The following IFT80 variants were observed in gnomAD, a reference collection of about 807,000 sequenced individuals.
IFT80 encodes intraflagellar transport 80.
IFT80 carries 79 observed loss-of-function variants against 107.9 expected under a neutral mutation model. That is an observed-to-expected ratio of 0.73 (90% confidence interval 0.61 to 0.88). IFT80 has a LOEUF of 0.88. IFT80 is among the 40% of genes least tolerant of loss of function. The pLI is 0.00. For missense variants in IFT80, 797 were observed against 914.2 expected (o/e 0.87, Z 1.65); for synonymous variants, 299 against 300.9 (o/e 0.99, Z 0.07).
At chr3:160,367,582 G>A (rs1721952461) in intron 5 of IFT80, among the ~76,000 whole-genome samples, 1 of 151,924 alleles carries the variant, frequency 6.6e-6, no homozygotes, top group Non-Finnish European at 1.5e-5. Flanking sequence ...TTTGGCTTTA[G>A]CCCAAAAGCT....
intron 8 of IFT80, among the ~76,000 whole-genome samples, chr3:160,333,408 CTTAA>C (rs1352456911): frequency 6.6e-6 from 1 of 152,166 alleles, no homozygotes; most frequent in African/African-American, 2.4e-5. Flanking sequence ...TTATAAACCT[CTTAA>C]TTTTTTAAAC....
intron 9 of IFT80, among the ~76,000 whole-genome samples, chr3:160,310,755 T>C (rs867479388): frequency 2.4e-4 from 36 of 152,328 alleles, no homozygotes; most frequent in Non-Finnish European, 1.5e-4. Flanking sequence ...TGCCTCCTGA[T>C]GTGATGCAAC....
At chr3:160,276,886 T>C (rs1714308960) in intron 18 of IFT80, among the ~76,000 whole-genome samples, 1 of 152,198 alleles carries the variant, frequency 6.6e-6, no homozygotes, top group African/African-American at 2.4e-5. Flanking sequence ...TCAACTACTA[T>C]CCATTTGCTA....
At chr3:160,284,671 C>A (rs944444919) in intron 13 of IFT80, among the ~76,000 whole-genome samples, 6 of 151,990 alleles carry the variant, frequency 3.9e-5, no homozygotes, top group African/African-American at 1.5e-4. Flanking sequence ...ATACTAACGG[C>A]AAAAGATTGG....
intron 6 of IFT80, 30 bp from the exon 7 acceptor site, chr3:160,357,608 A>G (rs1434198446): frequency 9.0e-6 from 13 of 1,436,762 alleles, no homozygotes; most frequent in Non-Finnish European, 1.2e-5. Flanking sequence ...GATATTAATT[A>G]TAAGTTTAAA....
intron 3 of IFT80, among the ~76,000 whole-genome samples, chr3:160,380,342 T>C (rs1712377964): frequency 6.6e-6 from 1 of 152,072 alleles, no homozygotes; most frequent in Non-Finnish European, 1.5e-5. Flanking sequence ...GTGATGGGCA[T>C]ATGACCCAAG....
intron 19 of IFT80, among the ~76,000 whole-genome samples, chr3:160,264,995 C>G (rs1157932327): frequency 6.6e-6 from 1 of 152,124 alleles, no homozygotes; most frequent in Admixed American, 6.6e-5. Flanking sequence ...CTGCTGATTG[C>G]CTCACCATAG....
chr3:160,336,388 T>C (rs192395702), intron 8 of IFT80, among the ~76,000 whole-genome samples: 155 of 152,324 alleles, frequency 1.0e-3, no homozygotes, highest in African/African-American at 3.7e-3. Flanking sequence ...GGTTTAGGAA[T>C]TGCTTTCTAA....
Position 160,307,817 on chromosome 3 carries a change from T to C in IFT80, c.958-36A>G, listed in dbSNP as rs370912410. On this transcript the variant is annotated intron_variant, in intron 9 of 19. Coordinates refer to ENST00000326448, the MANE Select transcript of IFT80 (RefSeq NM_020800.3). ...AAAAATAAAATACCAATAAACATTA[T>C]AACATATCCAAATTTTATTTAGATA... is the stretch of plus-strand genomic sequence containing the variant. 4.7e-6 allele frequency: 5 copies of C among 1,058,806 alleles called. No homozygotes were observed. The African/African-American group carries it at 7.9e-5, about 17-fold the overall frequency. 65.6% of individuals were successfully genotyped at this position (1,058,806 alleles called of 1,614,324 possible).
At chr3:160,322,757 G>A (rs1377281323) in intron 8 of IFT80, among the ~76,000 whole-genome samples, 2 of 152,066 alleles carry the variant, frequency 1.3e-5, no homozygotes, top group Non-Finnish European at 2.9e-5. Flanking sequence ...ATCTCATTGT[G>A]CTTTTGATTT....
At chr3:160,355,967 C>T (rs1248869655) in intron 8 of IFT80, 46 bp downstream of exon 8, 1 of 1,606,042 alleles carries the variant, frequency 6.2e-7, no homozygotes, top group Non-Finnish European at 8.5e-7. Flanking sequence ...TGTGCATTAC[C>T]ACATTTATGA....
At chr3:160,318,801 G>A (rs1718001619) in intron 9 of IFT80, among the ~76,000 whole-genome samples, 1 of 151,984 alleles carries the variant, frequency 6.6e-6, no homozygotes, top group African/African-American at 2.4e-5. Flanking sequence ...AGAGCAGCAG[G>A]AGGTCAGTCT....
chr3:160,267,910 A>G (rs996085922), intron 19 of IFT80, among the ~76,000 whole-genome samples: 1 of 152,204 alleles, frequency 6.6e-6, no homozygotes, highest in Admixed American at 6.5e-5. Flanking sequence ...AGATTCTGGT[A>G]GGAGCCTGGA....
intron 5 of IFT80, among the ~76,000 whole-genome samples, chr3:160,371,930 A>G (rs1293343909): frequency 6.6e-6 from 1 of 152,218 alleles, no homozygotes; most frequent in Non-Finnish European, 1.5e-5. Context: ...TGGCCTAAGT[A>G]TAATTATCTC....
intron 6 of IFT80, among the ~76,000 whole-genome samples, chr3:160,359,188 TAA>T (rs1721314517): frequency 6.6e-6 from 1 of 152,214 alleles, no homozygotes; most frequent in African/African-American, 2.4e-5. Context: ...AATTATACTT[TAA>T]GTCCTGTTTC....
intron 5 of IFT80, among the ~76,000 whole-genome samples, chr3:160,369,645 A>AAT (rs754241899): frequency 2.6e-5 from 4 of 152,006 alleles, no homozygotes; most frequent in Non-Finnish European, 5.9e-5. Context: ...TATTTATTAA[A>AAT]GCATGAATTA....
At chr3:160,271,438 T>G (rs1713798165) in intron 18 of IFT80, among the ~76,000 whole-genome samples, 2 of 152,202 alleles carry the variant, frequency 1.3e-5, no homozygotes, top group African/African-American at 4.8e-5. Context: ...GAAATTATTT[T>G]TATTAATATG....
At chr3:160,292,243 T>C (rs983585586) in intron 12 of IFT80, among the ~76,000 whole-genome samples, 1 of 152,174 alleles carries the variant, frequency 6.6e-6, no homozygotes, top group African/African-American at 2.4e-5. Context: ...TTGGACCACC[T>C]AGTCACATTT....
Position 160,383,699 on chromosome 3 carries a change from G to C in IFT80, c.37+865C>G. ...TACTTTGAGCAGAATTAGTCTAAAT[G>C]TCTAAGAATGATGATAGTGGGGCCT... On this transcript the variant is annotated intron_variant, in intron 2 of 19. Coordinates refer to ENST00000326448, the MANE Select transcript of IFT80 (RefSeq NM_020800.3). The C allele has an allele frequency of 3.0e-6, 3 of 985,344 alleles. No individual in the cohort carries two copies. The South Asian group carries it at 1.4e-4, about 46-fold the overall frequency. The allele number at this position is 985,344 out of a possible 1,614,324, so 61.0% of individuals were successfully genotyped here. A position where few individuals can be genotyped will look rare whatever the true frequency, so the allele number is the denominator to read the frequency against.
Sources: gnomAD v4.1 joint callset for allele counts (sites outside exome capture counted in the v4.1 genomes callset) on GRCh38, gnomAD v4.1.1 for gene constraint, MANE v1.5 for transcripts, NCBI Gene and HGNC (gene_info 2026-07-23, HGNC 2026-07-21) for gene names.